Variants in AKAP13 observed in about 807,000 individuals in gnomAD.
AKAP13 encodes the protein A-kinase anchoring protein 13.
A neutral mutation model predicts 264.5 loss-of-function variants in AKAP13; 80 were observed. That is an observed-to-expected ratio of 0.30 (90% CI 0.25 to 0.36). The LOEUF is 0.36. Among genes scored for constraint, AKAP13 ranks in the 10% least tolerant of loss-of-function variants. AKAP13 has a pLI of 1.00. For synonymous variants in AKAP13, 1,380 were observed against 1,250.2 expected (o/e 1.10, Z -2.19); for missense variants, 3,712 against 3,435.2 (o/e 1.08, Z -2.01).
chr15:85,381,468 C>T (rs1219564092), intron 1 of AKAP13, among the ~76,000 whole-genome samples: 1 of 131,090 alleles, frequency 7.6e-6, no homozygotes, highest in Non-Finnish European at 1.6e-5. Context: ...TGCAGCTATA[C>T]TTTGATACCA....
chr15:85,735,983 AG>A, intron 32 of AKAP13, 106 bp from the exon 33 acceptor site: 1 of 903,928 alleles, frequency 1.1e-6, no homozygotes, highest in Non-Finnish European at 1.8e-6. Context: ...CCTTAGTGAG[AG>A]GCTGTGGTAG....
chr15:85,491,531 T>A (rs981960332), intron 2 of AKAP13, among the ~76,000 whole-genome samples: 3 of 137,620 alleles, frequency 2.2e-5, no homozygotes, highest in South Asian at 2.2e-4. Context: ...TATTATATAT[T>A]TTATATATAA....
At chr15:85,453,016 C>G (rs1461592758) in intron 1 of AKAP13, among the ~76,000 whole-genome samples, 1 of 152,144 alleles carries the variant, frequency 6.6e-6, no homozygotes, top group Non-Finnish European at 1.5e-5. Flanking sequence ...AGGGTCAGTG[C>G]TGCGGGCCCA....
chr15:85,415,491 T>C (rs2072198249), intron 1 of AKAP13: 1 of 1,558,446 alleles, frequency 6.4e-7, no homozygotes, highest in Non-Finnish European at 8.8e-7. Context: ...TGTGTGCAAC[T>C]TTACAGATGG....
At chr15:85,552,284 C>A (rs751517454) in intron 5 of AKAP13, among the ~76,000 whole-genome samples, 22 of 152,142 alleles carry the variant, frequency 1.4e-4, no homozygotes, top group Non-Finnish European at 1.2e-4. Flanking sequence ...ATCAGTAAGA[C>A]CTCTATCTAG....
chr15:85,636,916 C>T (rs971926343), intron 8 of AKAP13, among the ~76,000 whole-genome samples: 2 of 152,200 alleles, frequency 1.3e-5, no homozygotes, highest in Non-Finnish European at 2.9e-5. Context: ...CTCCCGGCCC[C>T]AAATTCTTTT....
intron 9 of AKAP13, among the ~76,000 whole-genome samples, chr15:85,640,766 T>G (rs2082271771): frequency 6.6e-6 from 1 of 152,186 alleles, no homozygotes; most frequent in African/African-American, 2.4e-5. Flanking sequence ...AGAGTGAGAC[T>G]TTCTGCCAAG....
At chr15:85,540,604 G>T (rs572869975) in intron 4 of AKAP13, among the ~76,000 whole-genome samples, 1 of 152,172 alleles carries the variant, frequency 6.6e-6, no homozygotes, top group African/African-American at 2.4e-5. Flanking sequence ...AGAGAAAAGG[G>T]AACAGAGATT....
chr15:85,719,688 C>G (rs1173986955), intron 23 of AKAP13, among the ~76,000 whole-genome samples: 1 of 152,098 alleles, frequency 6.6e-6, no homozygotes, highest in Non-Finnish European at 1.5e-5. Flanking sequence ...GTAATCCCAG[C>G]ACTTTGGGAG....
In AKAP13 at chr15:85,655,426, G is replaced by C; in HGVS notation, c.4384G>C (p.Glu1462Gln). 1 of 1,613,148 alleles carries C rather than the reference G, an allele frequency of 6.2e-7. No homozygotes were observed. Among genetic ancestry groups the C allele is most frequent in the Non-Finnish European group, 8.5e-7 (1 of 1,179,178 alleles). ...TTTCTCTCCATTACAGCCAGAGGAA[G>C]AGCATTTGGCCTGTGATATCACCGG... ...DSIIFPKPEEEHLACDITGSS... is the reference protein window; with the variant it reads ...DSIIFPKPEEQHLACDITGSS... Residue 1462 changes from glutamate (E) to glutamine (Q), a missense_variant, in exon 11 of 37, where the codon GAG becomes CAG. Coordinates refer to ENST00000394518, the MANE Select transcript of AKAP13 (RefSeq NM_007200.5).
intron 10 of AKAP13, 106 bp downstream of exon 10, chr15:85,646,060 T>C: frequency 4.3e-6 from 6 of 1,394,856 alleles, no homozygotes; most frequent in Non-Finnish European, 5.8e-6. Flanking sequence ...CTCTCCTGTT[T>C]CCCTAAATAT....
intron 27 of AKAP13, 139 bp downstream of exon 27, chr15:85,726,625 T>C (rs901532830): frequency 5.8e-6 from 4 of 690,650 alleles, no homozygotes; most frequent in African/African-American, 5.5e-5. Flanking sequence ...ATTTCCCACA[T>C]GCCCTCAGAA....
chr15:85,513,583 T>G (rs1596384586), intron 2 of AKAP13, among the ~76,000 whole-genome samples: 2 of 152,208 alleles, frequency 1.3e-5, no homozygotes. Flanking sequence ...GGCCGACAAT[T>G]TTTTTCCTTA....
Position 85,715,898 on chromosome 15 carries a change from A to T in AKAP13, c.5710A>T (p.Ser1904Cys), listed in dbSNP as rs1367629587. Reference protein sequence around the residue: ...RSQQSVSLSKSVSIQNITGVG... With the variant: ...RSQQSVSLSKCVSIQNITGVG... ...CCAGCAGAGTGTCTCGCTCTCCAAA[A>T]GTGTCTCCATACAGAACATTACTGG... Residue 1904 changes from serine (S) to cysteine (C), a missense_variant, in exon 20 of 37, where the codon AGT becomes TGT. Coordinates refer to ENST00000394518, the MANE Select transcript of AKAP13 (RefSeq NM_007200.5). 6.2e-7 allele frequency: 1 copy of T among 1,612,936 alleles called. No individual in the cohort carries two copies. The highest frequency in any genetic ancestry group is 8.5e-7 in the Non-Finnish European group (1 of 1,179,758).
chr15:85,713,097 G>A (rs12102067), intron 19 of AKAP13, among the ~76,000 whole-genome samples: 2,604 of 152,272 alleles, frequency 0.017, 67 homozygotes, highest in African/African-American at 0.055. Flanking sequence ...CATTCCTTAA[G>A]TGTTAGCTTT....
chr15:85,667,980 T>C (rs1332050927), intron 13 of AKAP13, among the ~76,000 whole-genome samples: 1 of 152,184 alleles, frequency 6.6e-6, no homozygotes, highest in East Asian at 1.9e-4. Flanking sequence ...GTTGTTGTTT[T>C]AGTGCCTTGC....
chr15:85,517,775 C>CTAGT (rs1283772081), intron 2 of AKAP13, among the ~76,000 whole-genome samples: 1 of 151,954 alleles, frequency 6.6e-6, no homozygotes, highest in Non-Finnish European at 1.5e-5. Context: ...AGAATAAGGC[C>CTAGT]TAGTATAGAG....
chr15:85,480,619 G>C (rs187876750), intron 1 of AKAP13, among the ~76,000 whole-genome samples: 27 of 152,030 alleles, frequency 1.8e-4, no homozygotes, highest in African/African-American at 6.0e-4. Context: ...AGGTGGTGGG[G>C]GTGGGGGGGT....
rs1433656381 is a variant in AKAP13 at position 85,580,854 on chromosome 15, A to G, written c.2786A>G (p.Asp929Gly). The G allele has an allele frequency of 7.4e-6, 12 of 1,614,180 alleles. No individual in the cohort carries two copies. The highest frequency in any genetic ancestry group is 3.3e-4 in the Middle Eastern group (2 of 6,062). The change falls in exon 7 of 37, where the codon GAT becomes GGT. Residue 929 changes from aspartate to glycine, a missense_variant. Transcript: ENST00000394518. ...ESSAAQEQDK[D>G]KAVTCSSIKE... is the part of the protein sequence containing the mutation. ...TCTGCAGCTCAGGAACAAGATAAGG[A>G]TAAAGCGGTGACCTGTTCCTCTATT...
Sources: gnomAD v4.1 joint callset for allele counts (sites outside exome capture counted in the v4.1 genomes callset) on GRCh38, gnomAD v4.1.1 for gene constraint, MANE v1.5 for transcripts, NCBI Gene and HGNC (gene_info 2026-07-23, HGNC 2026-07-21) for gene names.